The following DOT1L variants were observed in gnomAD, a reference collection of about 807,000 sequenced individuals.
DOT1L encodes histone-lysine N-methyltransferase, H3 lysine-79 specific.
Under a neutral mutation model 153.3 loss-of-function variants are expected in DOT1L, and 33 were observed. The observed-to-expected ratio is 0.22, with a 90% CI of 0.16 to 0.29. DOT1L has a LOEUF of 0.29. Among genes scored for constraint, DOT1L ranks in the 10% least tolerant of loss-of-function variants. DOT1L has a pLI of 1.00. For missense variants in DOT1L, 1,847 were observed against 2,119.9 expected (o/e 0.87, Z 2.53); for synonymous variants, 1,135 against 965.1 (o/e 1.18, Z -3.26).
rs1249310512 is a variant in DOT1L, at chr19:2,232,562, G to A, written c.*2770G>A. 1 of 207,712 alleles carries A rather than the reference G, an allele frequency of 4.8e-6. No individual in the cohort carries two copies. The highest frequency in any genetic ancestry group is 9.8e-6 in the Non-Finnish European group (1 of 101,766). 12.9% of individuals were successfully genotyped at this position (207,712 alleles called of 1,614,324 possible). A position where few individuals can be genotyped will look rare whatever the true frequency, so the allele number is the denominator to read the frequency against. On this transcript the variant is annotated 3_prime_UTR_variant, in exon 28 of 28. Transcript: ENST00000398665. ...CCACCTCTAGACGCTGTAATAAACA[G>A]ACTGTTTTCACTCGGACCTGGTGTG...
At chr19:2,170,572 A>T (rs1599528264) in intron 1 of DOT1L, among the ~76,000 whole-genome samples, 1 of 152,242 alleles carries the variant, frequency 6.6e-6, no homozygotes, top group East Asian at 1.9e-4. Context: ...ACCTCGACAC[A>T]GGCTCAGATC....
intron 27 of DOT1L, 69 bp from the exon 28 acceptor site, chr19:2,229,716 G>C (rs2024516034): frequency 1.2e-6 from 2 of 1,610,478 alleles, no homozygotes; most frequent in Non-Finnish European, 1.7e-6. Flanking sequence ...CCCCAGCCTG[G>C]GTGAGTGTTG....
chr19:2,187,071 A>T (rs961143381), intron 3 of DOT1L, among the ~76,000 whole-genome samples: 11 of 152,166 alleles, frequency 7.2e-5, no homozygotes, highest in Non-Finnish European at 1.2e-4. Flanking sequence ...GATTGCCTCC[A>T]TCTCCAGTCC....
chr19:2,172,193 C>CTTT (rs571890299), intron 1 of DOT1L, among the ~76,000 whole-genome samples: 1 of 144,118 alleles, frequency 6.9e-6, no homozygotes, highest in Non-Finnish European at 1.5e-5. Context: ...CTTTTCTTTC[C>CTTT]TTTTTTTTTT....
Position 2,185,842 on chromosome 19 carries a change from T to C in DOT1L, c.126-13T>C, listed in dbSNP as rs777693491. 1.9e-6 allele frequency: 3 copies of C among 1,613,718 alleles called. No individual in the cohort carries two copies. The highest frequency in any genetic ancestry group is 1.7e-6 in the Non-Finnish European group (2 of 1,179,782). ...CCAAACCCTTCCTGATCGTTTCTGC[T>C]GCTGTGTTTCAGATGGGTCTGTGAA... On this transcript the variant is annotated splice_polypyrimidine_tract_variant and intron_variant, in intron 2 of 27. Transcript: ENST00000398665.
intron 27 of DOT1L, chr19:2,227,965 C>T (rs1446205410): frequency 2.4e-6 from 3 of 1,258,900 alleles, no homozygotes. Context: ...GGCCGGTCCC[C>T]CGCGGGGCCG....
rs772546839 is a variant in DOT1L, at chr19:2,216,977, G to A, written c.2431G>A (p.Gly811Ser). ...HSRAEHTKEN[G>S]LPYQSPSVPG... ...CAGAGCTGAGCACACCAAGGAGAAC[G>A]GCCTTCCCTACCAGAGCCCCAGCGT... The change falls in exon 21 of 28, where the codon GGC (glycine) becomes AGC (serine). Residue 811 changes from glycine (G) to serine (S), a missense_variant. Around this residue, in one of 8 missense-constraint regions of DOT1L, gnomAD observed 281 missense variants for 263.6 expected, o/e 1.07. Transcript: ENST00000398665. 15 of 1,612,744 alleles carry A rather than the reference G, an allele frequency of 9.3e-6. No individual in the cohort carries two copies. Among genetic ancestry groups the A allele is most frequent in the African/African-American group, 6.7e-5 (5 of 74,916 alleles).
intron 3 of DOT1L, among the ~76,000 whole-genome samples, chr19:2,186,360 C>T (rs370965013): frequency 8.5e-5 from 13 of 152,136 alleles, no homozygotes; most frequent in Admixed American, 2.0e-4. Flanking sequence ...TTAGCAATTT[C>T]GCCCTGGCAG....
rs1467127216 is a variant in DOT1L at position 2,204,374 on chromosome 19, G to C, written c.787+1595G>C. Among the ~76,000 whole-genome samples the C allele has an allele frequency of 6.6e-6, 1 of 152,156 alleles. No individual in the cohort carries two copies. The highest frequency in any genetic ancestry group is 1.5e-5 in the Non-Finnish European group (1 of 68,028). ...TGCATATCTGTGTGTGTGTGTGCGT[G>C]TGGCAGTGGTGTTTCTGACTTATCT... On this transcript the variant is annotated intron_variant, in intron 9 of 27. Transcript: ENST00000398665. The surrounding 1 kb of genome is among the most constrained non-coding windows in gnomAD (Gnocchi z 5.7).
chr19:2,230,570 C>T lies in DOT1L; in HGVS notation c.*778C>T, dbSNP rs2024557554. On this transcript the variant is annotated 3_prime_UTR_variant, in exon 28 of 28. Coordinates refer to ENST00000398665, the MANE Select transcript of DOT1L (RefSeq NM_032482.3). ...TCGGCTGTCCATGGCTCGCAGCATG[C>T]CCTGCGATGCGGGGCAGGCCTGTCG... 2 of 398,724 alleles carry T rather than the reference C, an allele frequency of 5.0e-6. No homozygotes were observed. The highest frequency in any genetic ancestry group is 3.6e-5 in the East Asian group (1 of 28,076). 24.7% of individuals were successfully genotyped at this position (398,724 alleles called of 1,614,324 possible). A position where few individuals can be genotyped will look rare whatever the true frequency, so the allele number is the denominator to read the frequency against.
chr19:2,209,962 T>A (rs1311592828), intron 12 of DOT1L, among the ~76,000 whole-genome samples: 1 of 152,188 alleles, frequency 6.6e-6, no homozygotes, highest in Non-Finnish European at 1.5e-5. Context: ...CGCCCTCCAC[T>A]AACTCACATC....
At chr19:2,227,986 A>G (rs1354433400) in intron 27 of DOT1L, 5 of 1,117,688 alleles carry the variant, frequency 4.5e-6, no homozygotes, top group African/African-American at 2.2e-5. Context: ...CCCGTCCTCC[A>G]CGCCCCCCCT....
chr19:2,170,574 GC>G (rs1380287897), intron 1 of DOT1L, among the ~76,000 whole-genome samples: 2 of 152,068 alleles, frequency 1.3e-5, no homozygotes, highest in Non-Finnish European at 2.9e-5. Context: ...CTCGACACAG[GC>G]TCAGATCCCA....
chr19:2,198,512 CTG>C (rs1157185740), intron 7 of DOT1L, among the ~76,000 whole-genome samples: 1 of 152,204 alleles, frequency 6.6e-6, no homozygotes, highest in Non-Finnish European at 1.5e-5. Context: ...CCCTGTCTCT[CTG>C]GGGCTGAGTG....
chr19:2,220,828 G>T lies in DOT1L; in HGVS notation c.2806+606G>T, dbSNP rs1379988477. The T allele has an allele frequency of 9.7e-6, 3 of 308,840 alleles. No individual in the cohort carries two copies. The allele number at this position is 308,840 out of a possible 1,614,324, so 19.1% of individuals were successfully genotyped here. ...GGACATGAGACCCCCAGGCTGGTTTGCTGGCCCCAGGTTGAGATGCGGTAT... is the reference window on the plus strand; with the variant it reads ...GGACATGAGACCCCCAGGCTGGTTTTCTGGCCCCAGGTTGAGATGCGGTAT... On this transcript the variant is annotated intron_variant, in intron 23 of 27. Transcript: ENST00000398665. The surrounding 1 kb of genome is among the most constrained non-coding windows in gnomAD (Gnocchi z 4.5).
intron 18 of DOT1L, 151 bp from the exon 19 acceptor site, chr19:2,214,320 C>T: frequency 7.5e-7 from 1 of 1,326,740 alleles, no homozygotes; most frequent in East Asian, 2.5e-5. Context: ...GCGTGTTCCG[C>T]ATCCTCAGCC....
intron 27 of DOT1L, chr19:2,228,518 G>A: frequency 5.1e-6 from 6 of 1,167,814 alleles, no homozygotes; most frequent in Non-Finnish European, 6.4e-6. Context: ...AGGGAGACCA[G>A]GGAGATGGTC....
chr19:2,213,543 A>C lies in DOT1L; in HGVS notation c.1562A>C (p.Lys521Thr), dbSNP rs1387522657. 4 of 1,612,556 alleles carry C rather than the reference A, an allele frequency of 2.5e-6. No homozygotes were observed. Among genetic ancestry groups the C allele is most frequent in the Non-Finnish European group, 3.4e-6 (4 of 1,179,928 alleles). The change falls in exon 17 of 28, where the codon AAG (lysine) becomes ACG (threonine). Residue 521 changes from lysine to threonine, a missense_variant. Transcript: ENST00000398665. ...LQELLGQEKE[K>T]NAQLLGAAQQ... ...CCTGCCCTGTTTGTCCTACAGGAGA[A>C]GAACGCCCAGCTCCTGGGTGCGGCT...
chr19:2,221,036 A>G (rs113640510), intron 23 of DOT1L: 27,432 of 162,520 alleles, frequency 0.17, 3,364 homozygotes, highest in African/African-American at 0.34. Flanking sequence ...AATTAGCCGG[A>G]TGTGGTGGCA....
Sources: allele counts gnomAD v4.1 joint callset (sites outside exome capture counted in the v4.1 genomes callset), GRCh38; gene constraint gnomAD v4.1.1; regional missense constraint gnomAD v4.1.1; non-coding constraint Gnocchi (gnomAD v3.1); transcripts MANE v1.5; gene names NCBI Gene and HGNC (gene_info 2026-07-23, HGNC 2026-07-21).